The following CLK4 variants were observed in gnomAD, a reference collection of about 807,000 sequenced individuals.
The protein encoded by CLK4 is dual specificity protein kinase CLK4.
Under a neutral mutation model 64.4 loss-of-function variants are expected in CLK4, and 37 were observed. The ratio of observed to expected loss-of-function variants is 0.57; its 90% CI spans 0.44 to 0.76. The LOEUF is 0.76. CLK4 is among the 30% of genes least tolerant of loss of function. CLK4 has a pLI of 0.00. For synonymous variants in CLK4, 175 were observed against 191.6 expected (o/e 0.91, Z 0.72); for missense variants, 457 against 605.1 (o/e 0.76, Z 2.57).
rs1764661506 is a variant in CLK4, at chr5:178,618,614, C to T, written c.326G>A (p.Arg109Lys). Residue 109 changes from arginine to lysine, a missense_variant, in exon 3 of 13, where the codon AGG becomes AAG. Transcript: ENST00000316308. ...GCGCTTCCTTTTAGGACTGCTTCTC[C>T]TGCTGCGGACTGAAGATTTACTGCA... ...IHCSKSSVRS[R>K]RSSPKRKRNR... 6.2e-7 allele frequency: 1 copy of T among 1,613,956 alleles called. No homozygotes were observed. The highest frequency in any genetic ancestry group is 1.3e-5 in the African/African-American group (1 of 74,922).
At chr5:178,606,454 G>A (rs958346463) in intron 10 of CLK4, among the ~76,000 whole-genome samples, 6 of 152,032 alleles carry the variant, frequency 3.9e-5, no homozygotes, top group South Asian at 4.1e-4. Flanking sequence ...GGTGCCCCAC[G>A]AACAGGGAAT....
rs1764405824 is a variant in CLK4, at chr5:178,602,737, T to C, written c.*880A>G. ...AGCAGCACTTTCTTCCCAAACTGCT[T>C]TCCAATCAAATCCTCTTTCTCCCGT... On this transcript the variant is annotated 3_prime_UTR_variant, in exon 13 of 13. Coordinates refer to ENST00000316308, the MANE Select transcript of CLK4 (RefSeq NM_020666.3). 1 of 152,226 alleles carries C rather than the reference T, an allele frequency of 6.6e-6. No individual in the cohort carries two copies. Among genetic ancestry groups the C allele is most frequent in the Non-Finnish European group, 1.5e-5 (1 of 68,044 alleles). 9.4% of individuals were successfully genotyped at this position (152,226 alleles called of 1,614,324 possible).
At chr5:178,610,263 C>G (rs562139905) in intron 9 of CLK4, among the ~76,000 whole-genome samples, 1 of 152,116 alleles carries the variant, frequency 6.6e-6, no homozygotes, top group Admixed American at 6.5e-5. Context: ...GCAGTCCAGC[C>G]CGGGTGACAG....
chr5:178,606,109 G>C (rs1764464371), intron 10 of CLK4, among the ~76,000 whole-genome samples: 1 of 152,166 alleles, frequency 6.6e-6, no homozygotes, highest in Admixed American at 6.5e-5. Flanking sequence ...AGTAATACTA[G>C]CTTCACATTT....
chr5:178,610,554 G>A (rs761391629), intron 9 of CLK4, among the ~76,000 whole-genome samples: 13 of 152,032 alleles, frequency 8.6e-5, no homozygotes, highest in Non-Finnish European at 1.8e-4. Context: ...TTCTCCTCAA[G>A]GCCAGGGACT....
intron 2 of CLK4, chr5:178,620,556 C>G (rs953775674): frequency 6.7e-6 from 3 of 450,218 alleles, no homozygotes; most frequent in Non-Finnish European, 1.3e-5. Flanking sequence ...ACAGGATGAA[C>G]AGACTGATTT....
intron 3 of CLK4, 71 bp downstream of exon 3, chr5:178,618,485 G>T: frequency 1.4e-6 from 1 of 692,376 alleles, no homozygotes; most frequent in Non-Finnish European, 2.2e-6. Context: ...TAAAAAATTA[G>T]AAACTTATCA....
At chr5:178,619,866 G>C in intron 2 of CLK4, 2 of 1,133,648 alleles carry the variant, frequency 1.8e-6, no homozygotes, top group Non-Finnish European at 2.4e-6. Context: ...TCAACAGAGT[G>C]CGAAGCTTCA....
chr5:178,622,815 T>C (rs993041501), intron 2 of CLK4: 2 of 168,298 alleles, frequency 1.2e-5, no homozygotes, highest in African/African-American at 4.8e-5. Flanking sequence ...CTTTTCTCTG[T>C]TGGAATAACT....
chr5:178,611,816 A>G (rs922075357), intron 9 of CLK4, among the ~76,000 whole-genome samples: 3 of 152,180 alleles, frequency 2.0e-5, no homozygotes, highest in Admixed American at 6.5e-5. Flanking sequence ...ATGTTTCCCA[A>G]TGTCTCCAAG....
At chr5:178,624,302 A>G (rs1357080898) in intron 1 of CLK4, among the ~76,000 whole-genome samples, 2 of 152,178 alleles carry the variant, frequency 1.3e-5, no homozygotes, top group African/African-American at 4.8e-5. Flanking sequence ...CTGTCTCTAC[A>G]AAAAAAATTT....
intron 5 of CLK4, among the ~76,000 whole-genome samples, chr5:178,614,148 T>C (rs938751718): frequency 6.6e-6 from 1 of 152,246 alleles, no homozygotes; most frequent in East Asian, 1.9e-4. Context: ...AAATAGGATA[T>C]GCTACTGTTG....
intron 1 of CLK4, among the ~76,000 whole-genome samples, chr5:178,626,693 G>A (rs1764787016): frequency 6.9e-6 from 1 of 144,446 alleles, no homozygotes; most frequent in African/African-American, 2.8e-5. Context: ...CAGGCAGCAG[G>A]GGACCGCGAG....
At chr5:178,612,958 G>T in intron 7 of CLK4, 68 bp from the exon 8 acceptor site, 1 of 791,342 alleles carries the variant, frequency 1.3e-6, no homozygotes, top group Non-Finnish European at 2.1e-6. Context: ...AGGGAAAGGA[G>T]GACTGGCAAA....
At chr5:178,620,061 G>GACT in intron 2 of CLK4, 1 of 346,530 alleles carries the variant, frequency 2.9e-6, no homozygotes, top group South Asian at 2.1e-5. Context: ...GGCAGAAATA[G>GACT]AAGCATCTTT....
intron 9 of CLK4, among the ~76,000 whole-genome samples, chr5:178,611,491 C>A (rs1764557099): frequency 6.6e-6 from 1 of 152,164 alleles, no homozygotes; most frequent in African/African-American, 2.4e-5. Context: ...GTCAGTCACG[C>A]ACAGTGACTA....
At chr5:178,605,767 C>A (rs1162106640) in intron 10 of CLK4, 4 of 154,090 alleles carry the variant, frequency 2.6e-5, no homozygotes, top group Non-Finnish European at 4.3e-5. Flanking sequence ...AAGCACATAT[C>A]CTTAAATTAG....
chr5:178,612,574 A>C (rs753131469), intron 8 of CLK4, 29 bp from the exon 9 acceptor site: 1 of 1,607,750 alleles, frequency 6.2e-7, no homozygotes, highest in African/African-American at 1.3e-5. Context: ...GTAAACATGA[A>C]ACTCAATAGA....
intron 10 of CLK4, among the ~76,000 whole-genome samples, chr5:178,608,127 A>G (rs915972679): frequency 1.3e-5 from 2 of 152,246 alleles, no homozygotes; most frequent in Non-Finnish European, 1.5e-5. Flanking sequence ...AATTTAAAAA[A>G]GGAGACAGTA....
Sources: gnomAD v4.1 joint callset for allele counts (sites outside exome capture counted in the v4.1 genomes callset) on GRCh38, gnomAD v4.1.1 for gene constraint, MANE v1.5 for transcripts, NCBI Gene and HGNC (gene_info 2026-07-23, HGNC 2026-07-21) for gene names.